SENP6: variants seen among roughly 807,000 people sequenced by gnomAD.
The protein encoded by SENP6 is SUMO specific peptidase 6, also known as sentrin-specific protease 6.
Under a neutral mutation model 134.5 loss-of-function variants are expected in SENP6, and 41 were observed. That is an observed-to-expected ratio of 0.30 (90% confidence interval 0.24 to 0.40). The LOEUF is 0.40. Among genes scored for constraint, SENP6 ranks in the 10% least tolerant of loss-of-function variants. The probability of loss-of-function intolerance (pLI) is 1.00; values close to 1 mark genes in which losing one functional copy is unlikely to be tolerated. For synonymous variants in SENP6, 395 were observed against 429.8 expected (o/e 0.92, Z 1.00); for missense variants, 1,248 against 1,312.5 (o/e 0.95, Z 0.76).
intron 18 of SENP6, among the ~76,000 whole-genome samples, chr6:75,701,544 T>C (rs1179938595): frequency 6.6e-6 from 1 of 151,040 alleles, no homozygotes; most frequent in Non-Finnish European, 1.5e-5. Flanking sequence ...TAACACACAG[T>C]AACAGTAAAA....
chr6:75,640,591 T>C, intron 5 of SENP6, 93 bp from the exon 6 acceptor site: 1 of 584,742 alleles, frequency 1.7e-6, no homozygotes, highest in South Asian at 3.7e-5. Flanking sequence ...CACAGTATAA[T>C]TTTGCCTTAA....
chr6:75,661,949 G>T (rs1202449896), intron 8 of SENP6, among the ~76,000 whole-genome samples: 1 of 152,168 alleles, frequency 6.6e-6, no homozygotes, highest in South Asian at 2.1e-4. Context: ...CTACTTGGGA[G>T]GCCGAGGCGG....
intron 19 of SENP6, among the ~76,000 whole-genome samples, chr6:75,706,017 A>C (rs977146883): frequency 7.4e-6 from 1 of 134,240 alleles, no homozygotes; most frequent in African/African-American, 2.9e-5. Context: ...TCTCACTGCA[A>C]CCTCCCCCTC....
chr6:75,674,146 C>CTT (rs770350544), intron 11 of SENP6, among the ~76,000 whole-genome samples: 4 of 128,496 alleles, frequency 3.1e-5, no homozygotes, highest in African/African-American at 5.8e-5. Flanking sequence ...CAAGCTACTC[C>CTT]TTTTTTTTTT....
At chr6:75,675,605 TATATCTTGGTGTAATTTCATTCAGAA>T (rs1164307258) in intron 12 of SENP6, 137 bp downstream of exon 12, 3 of 676,668 alleles carry the variant, frequency 4.4e-6, no homozygotes, top group Non-Finnish European at 4.9e-6. Context: ...TCAAAGGGCA[TATATCTTGGTGTAATTTCATTCAGAA>T]ATATCACAGA....
At chr6:75,626,795 T>C (rs543610433) in intron 3 of SENP6, among the ~76,000 whole-genome samples, 27 of 152,310 alleles carry the variant, frequency 1.8e-4, no homozygotes, top group Admixed American at 1.6e-3. Flanking sequence ...TTGCAAAATA[T>C]GTAGTCATAC....
intron 19 of SENP6, among the ~76,000 whole-genome samples, chr6:75,706,385 C>G (rs1450928204): frequency 2.6e-5 from 4 of 151,968 alleles, no homozygotes; most frequent in Admixed American, 2.6e-4. Flanking sequence ...CTCCTTTTGA[C>G]CAATAATGTT....
intron 19 of SENP6, among the ~76,000 whole-genome samples, chr6:75,707,233 A>G (rs1368904303): frequency 2.0e-5 from 3 of 152,138 alleles, no homozygotes; most frequent in Non-Finnish European, 4.4e-5. Context: ...ATTCTGAATT[A>G]CCTGAAGATT....
At chr6:75,685,717 C>T (rs1374877539) in intron 16 of SENP6, among the ~76,000 whole-genome samples, 1 of 152,162 alleles carries the variant, frequency 6.6e-6, no homozygotes, top group African/African-American at 2.4e-5. Flanking sequence ...GAGTGAGTTT[C>T]TTAATCCTAA....
At chr6:75,676,811 T>G (rs1773114654) in intron 13 of SENP6, 1 of 419,224 alleles carries the variant, frequency 2.4e-6, no homozygotes, top group South Asian at 4.5e-5. Flanking sequence ...TAGAGTAATG[T>G]ATTCTGGTTC....
chr6:75,695,849 T>A lies in SENP6; in HGVS notation c.2121T>A (p.Ile707=). The A allele has an allele frequency of 6.2e-7, 1 of 1,605,252 alleles. No individual in the cohort carries two copies. The highest frequency in any genetic ancestry group is 8.5e-7 in the Non-Finnish European group (1 of 1,175,918). Residue 707 remains isoleucine (I), a synonymous_variant, in exon 17 of 24, where the codon ATT becomes ATA. Transcript: ENST00000447266. ...TGAAGAAGGAAGACGCTGACCGAAT[T>A]CATATATTCAGTTCTTTTTTCTATA... ...EKLKKEDADR[I]HIFSSFFYKR... is the part of the protein sequence containing the mutation.
At chr6:75,709,873 G>T (rs550502911) in intron 20 of SENP6, among the ~76,000 whole-genome samples, 6 of 152,268 alleles carry the variant, frequency 3.9e-5, no homozygotes, top group Non-Finnish European at 8.8e-5. Context: ...TCTTCAACTA[G>T]TAATTTATCA....
intron 3 of SENP6, among the ~76,000 whole-genome samples, chr6:75,630,917 TGAA>T (rs532604138): frequency 5.9e-4 from 89 of 150,896 alleles, no homozygotes; most frequent in African/African-American, 2.1e-3. Context: ...GCTAATGGAA[TGAA>T]GAAGTATATC....
intron 5 of SENP6, chr6:75,635,161 G>A (rs902000072): frequency 3.4e-5 from 11 of 324,520 alleles, no homozygotes; most frequent in African/African-American, 8.6e-5. Flanking sequence ...AGTTAATACC[G>A]TACTTTCTTT....
chr6:75,636,046 TAAAAA>T (rs147555561), intron 5 of SENP6, among the ~76,000 whole-genome samples: 1 of 151,192 alleles, frequency 6.6e-6, no homozygotes, highest in African/African-American at 2.4e-5. Context: ...CTGGTAATGT[TAAAAA>T]AAAACAACCC....
intron 16 of SENP6, among the ~76,000 whole-genome samples, chr6:75,695,273 G>A (rs1196342882): frequency 6.6e-6 from 1 of 152,160 alleles, no homozygotes; most frequent in Non-Finnish European, 1.5e-5. Flanking sequence ...CATAGAATGT[G>A]TCCTTGTTTT....
rs1775120586 is a variant in SENP6, at chr6:75,702,700, G to A, written c.2344G>A (p.Glu782Lys). The A allele has an allele frequency of 6.2e-7, 1 of 1,610,720 alleles. No homozygotes were observed. Among genetic ancestry groups the A allele is most frequent in the Non-Finnish European group, 8.5e-7 (1 of 1,178,334 alleles). The change falls in exon 19 of 24, where the codon GAA becomes AAA. Residue 782 changes from glutamate to lysine, a missense_variant. By Grantham distance (56) the Glu-to-Lys change is moderately conservative (BLOSUM62 1). This residue lies in a region of SENP6 where 386 missense variants were observed against 395.0 expected (regional missense o/e 0.98). Transcript: ENST00000447266. ...CCCCGGTTTGGAAAAACCAAAGTAT[G>A]AACCTAATCCTCATTACCATGAAAA... ...CFPGLEKPKYEPNPHYHENAV... is the reference protein window; with the variant it reads ...CFPGLEKPKYKPNPHYHENAV...
chr6:75,689,658 G>A (rs1278176089), intron 16 of SENP6, among the ~76,000 whole-genome samples: 2 of 152,114 alleles, frequency 1.3e-5, no homozygotes, highest in Admixed American at 6.5e-5. Flanking sequence ...TATTTTTACT[G>A]TACCTTTTCT....
At chr6:75,695,009 G>A (rs1582879497) in intron 16 of SENP6, among the ~76,000 whole-genome samples, 1 of 151,762 alleles carries the variant, frequency 6.6e-6, no homozygotes, top group East Asian at 1.9e-4. Context: ...CAAGTAGCTG[G>A]GATTACAGGC....
Sources: allele counts gnomAD v4.1 joint callset (sites outside exome capture counted in the v4.1 genomes callset), GRCh38; gene constraint gnomAD v4.1.1; regional missense constraint gnomAD v4.1.1; transcripts MANE v1.5; gene names NCBI Gene and HGNC (gene_info 2026-07-23, HGNC 2026-07-21).